FRMPD2: variants seen among roughly 807,000 people sequenced by gnomAD.
FRMPD2 encodes the protein FERM and PDZ domain-containing protein 2.
FRMPD2 carries 96 observed loss-of-function variants against 140.1 expected under a neutral mutation model. The ratio of observed to expected loss-of-function variants is 0.69; its 90% CI spans 0.58 to 0.81. The LOEUF (loss-of-function observed/expected upper bound fraction) is 0.81, where lower values mean the gene tolerates loss of function less well. FRMPD2 is among the 40% of genes least tolerant of loss of function. The pLI is 0.00. For missense variants in FRMPD2, 1,240 were observed against 1,447.4 expected (o/e 0.86, Z 2.32); for synonymous variants, 449 against 547.6 (o/e 0.82, Z 2.52).
intron 28 of FRMPD2, among the ~76,000 whole-genome samples, chr10:48,163,070 C>A (rs1168388534): frequency 1.4e-5 from 2 of 139,330 alleles, no homozygotes; most frequent in African/African-American, 5.6e-5. Context: ...AGGAGAAAAC[C>A]TGAGGCCTGC....
intron 9 of FRMPD2, among the ~76,000 whole-genome samples, 168 bp downstream of exon 9, chr10:48,236,314 G>A (rs1422369668): frequency 6.6e-6 from 1 of 152,164 alleles, no homozygotes; most frequent in Non-Finnish European, 1.5e-5. Flanking sequence ...AGGCTGAAGG[G>A]AAAACAGCAG....
At chr10:48,236,636 C>T (rs1839974036) in intron 8 of FRMPD2, 83 bp from the exon 9 acceptor site, 1 of 1,218,238 alleles carries the variant, frequency 8.2e-7, no homozygotes, top group Non-Finnish European at 1.2e-6. Flanking sequence ...TGCACCTCTG[C>T]AGCCCCCACC....
chr10:48,203,712 A>G (rs563520628), intron 14 of FRMPD2, among the ~76,000 whole-genome samples: 18 of 151,934 alleles, frequency 1.2e-4, no homozygotes, highest in Non-Finnish European at 2.5e-4. Flanking sequence ...GGCAGGGGAG[A>G]CTTGTCATGA....
At chr10:48,230,100 CTTTAAATGT>C (rs1415060008) in intron 10 of FRMPD2, among the ~76,000 whole-genome samples, 1 of 152,086 alleles carries the variant, frequency 6.6e-6, no homozygotes, top group Non-Finnish European at 1.5e-5. Flanking sequence ...TTCACTGGTT[CTTTAAATGT>C]TTTGTTTTCT....
chr10:48,244,082 T>A (rs951546111), intron 4 of FRMPD2, among the ~76,000 whole-genome samples: 1 of 152,212 alleles, frequency 6.6e-6, no homozygotes, highest in African/African-American at 2.4e-5. Flanking sequence ...CCCCCGGGGT[T>A]TAAGCGATTC....
At chr10:48,196,024 G>A (rs1838941268) in intron 15 of FRMPD2, among the ~76,000 whole-genome samples, 3 of 152,164 alleles carry the variant, frequency 2.0e-5, no homozygotes, top group Non-Finnish European at 4.4e-5. Context: ...TCAAGGATGA[G>A]GTTACCCTTA....
intron 2 of FRMPD2, among the ~76,000 whole-genome samples, 200 bp downstream of exon 2, chr10:48,251,366 C>T (rs893798130): frequency 4.6e-5 from 7 of 152,248 alleles, no homozygotes; most frequent in African/African-American, 1.7e-4. Context: ...CAGGCCTGCC[C>T]TCCCAGTGCA....
At chr10:48,195,903 C>T (rs1179296327) in intron 15 of FRMPD2, among the ~76,000 whole-genome samples, 1 of 152,202 alleles carries the variant, frequency 6.6e-6, no homozygotes, top group Non-Finnish European at 1.5e-5. Context: ...GGCATATCCA[C>T]AAATAAAAGT....
At chr10:48,186,269 C>T (rs1223831649) in intron 17 of FRMPD2, among the ~76,000 whole-genome samples, 1 of 152,188 alleles carries the variant, frequency 6.6e-6, no homozygotes, top group Admixed American at 6.5e-5. Flanking sequence ...CCACTTCAGT[C>T]CTTCCATGTC....
intron 14 of FRMPD2, among the ~76,000 whole-genome samples, chr10:48,203,148 G>A (rs1839127721): frequency 6.6e-6 from 1 of 152,100 alleles, no homozygotes; most frequent in African/African-American, 2.4e-5. Flanking sequence ...AATCTGAAAA[G>A]GGAGAATCAT....
At position 48,242,161 on chromosome 10, in the gene FRMPD2, C is replaced by T; in HGVS notation, c.567G>A (p.Glu189=). 1 of 1,610,484 alleles carries T rather than the reference C, an allele frequency of 6.2e-7. No homozygotes were observed. The change falls in exon 5 of 29, where the codon GAG becomes GAA. Residue 189 remains glutamate, a splice_region_variant and synonymous_variant. Transcript: ENST00000374201. The stretch of plus-strand genomic sequence containing the variant: ...TTGAAAAGCACGGTTCTCTACTGAC[C>T]TCAGAAATGGTACCCAGAACCAAGC... The part of the protein sequence containing the change: ...LVGLVLGTIS[E]VEKRVVEESS...
At chr10:48,242,095 A>G in intron 5 of FRMPD2, 66 bp downstream of exon 5, 1 of 1,115,910 alleles carries the variant, frequency 9.0e-7, no homozygotes, top group Non-Finnish European at 1.3e-6. Flanking sequence ...TAATATAACT[A>G]ATTCAAATTT....
intron 1 of FRMPD2, among the ~76,000 whole-genome samples, chr10:48,266,481 G>A (rs1840680162): frequency 6.6e-6 from 1 of 152,220 alleles, no homozygotes; most frequent in African/African-American, 2.4e-5. Flanking sequence ...TGTGATGTTG[G>A]TGAAAGAATA....
At chr10:48,199,295 T>C (rs1839025415) in intron 15 of FRMPD2, among the ~76,000 whole-genome samples, 1 of 148,374 alleles carries the variant, frequency 6.7e-6, no homozygotes, top group East Asian at 2.0e-4. Flanking sequence ...AAAACCCTAC[T>C]CTACAAGGTA....
chr10:48,260,069 G>T (rs1411595555), intron 1 of FRMPD2, among the ~76,000 whole-genome samples: 2 of 152,158 alleles, frequency 1.3e-5, no homozygotes, highest in African/African-American at 2.4e-5. Context: ...TATAACATAT[G>T]TGTAAAAGGA....
At chr10:48,172,405 C>T (rs1212295938) in intron 25 of FRMPD2, among the ~76,000 whole-genome samples, 5 of 151,798 alleles carry the variant, frequency 3.3e-5, no homozygotes, top group African/African-American at 4.8e-5. Context: ...AGGAAATCAG[C>T]GTGTTCCTGG....
chr10:48,160,013 G>A lies in FRMPD2; in HGVS notation c.3882-2643C>T, dbSNP rs1349230070. ...TCTGAGGCTCGACCAAACAAAAAGT[G>A]ATTTGCTCCCACACCAAGGGGCAAA... is the stretch of plus-strand genomic sequence containing the variant. On this transcript the variant is annotated intron_variant, in intron 28 of 28. Coordinates refer to ENST00000374201, the MANE Select transcript of FRMPD2 (RefSeq NM_001018071.4). Among the ~76,000 whole-genome samples, 3 of 151,370 alleles carry A rather than the reference G, an allele frequency of 2.0e-5. No homozygotes were observed. In the South Asian group the frequency reaches 6.3e-4, roughly 32 times the overall value.
Position 48,236,610 on chromosome 10 carries a change from T to C in FRMPD2, c.922-57A>G, listed in dbSNP as rs1839973680. The C allele has an allele frequency of 2.0e-6, 3 of 1,537,762 alleles. No homozygotes were observed. The South Asian group carries it at 3.4e-5, about 17-fold the overall frequency. On this transcript the variant is annotated intron_variant, in intron 8 of 28. Transcript: ENST00000374201. ...GACAACAGATTCCAGGCTTTGGGTC[T>C]GGGCTTCCCCCATGATGCACCTCTG...
chr10:48,217,313 A>G (rs1255572819), intron 12 of FRMPD2, among the ~76,000 whole-genome samples: 1 of 152,200 alleles, frequency 6.6e-6, no homozygotes, highest in Non-Finnish European at 1.5e-5. Flanking sequence ...GGTGTTTTCT[A>G]TGCTAATGAC....
Sources: allele counts gnomAD v4.1 joint callset (sites outside exome capture counted in the v4.1 genomes callset), GRCh38; gene constraint gnomAD v4.1.1; transcripts MANE v1.5; gene names NCBI Gene and HGNC (gene_info 2026-07-23, HGNC 2026-07-21).